Variants in ENTREP2 observed in about 807,000 individuals in gnomAD.
ENTREP2 encodes endosomal transmembrane epsin interactor 2, also known as protein ENTREP2.
the ENTREP2 span, among the ~76,000 whole-genome samples, chr15:29,464,486 C>T: frequency 5.3e-5 from 8 of 152,172 alleles, no homozygotes; most frequent in Non-Finnish European, 1.0e-4. Context: ...ATGGAAGCTA[C>T]ACACCAATAA....
chr15:29,559,784 T>C, the ENTREP2 span, among the ~76,000 whole-genome samples: 1 of 152,176 alleles, frequency 6.6e-6, no homozygotes, highest in Non-Finnish European at 1.5e-5. Flanking sequence ...TCTCCCTCTC[T>C]CAAGATCCTT....
the ENTREP2 span, among the ~76,000 whole-genome samples, chr15:29,477,109 T>C: frequency 3.3e-5 from 5 of 152,182 alleles, no homozygotes; most frequent in Non-Finnish European, 7.4e-5. Flanking sequence ...ACAATACAGA[T>C]GGCTCTTCAC....
chr15:29,267,173 T>C, the ENTREP2 span: 1 of 152,244 alleles, frequency 6.6e-6, no homozygotes, highest in Non-Finnish European at 1.5e-5. Context: ...ATACTCACTA[T>C]AGACTCTTTT....
the ENTREP2 span, among the ~76,000 whole-genome samples, chr15:29,419,918 A>C: frequency 3.3e-5 from 5 of 152,186 alleles, no homozygotes; most frequent in South Asian, 1.0e-3. Flanking sequence ...ACTAAAGAAA[A>C]GAAAAATGAC....
chr15:29,640,687 A>AAACC, the ENTREP2 span, among the ~76,000 whole-genome samples: 20 of 152,182 alleles, frequency 1.3e-4, no homozygotes, highest in African/African-American at 4.6e-4. Flanking sequence ...AAAACCAAAA[A>AAACC]GAAAAGAAAA....
At chr15:29,436,315 C>T in the ENTREP2 span, among the ~76,000 whole-genome samples, 9 of 152,216 alleles carry the variant, frequency 5.9e-5, no homozygotes, top group Admixed American at 2.0e-4. Flanking sequence ...TGGGTCCCAT[C>T]GCTGAGGAAG....
chr15:29,462,092 T>C, the ENTREP2 span, among the ~76,000 whole-genome samples: 2 of 152,188 alleles, frequency 1.3e-5, no homozygotes, highest in South Asian at 2.1e-4. Flanking sequence ...CCTTCCTTTT[T>C]AAGGCTGAGT....
chr15:29,298,030 C>T, the ENTREP2 span, among the ~76,000 whole-genome samples: 8 of 152,156 alleles, frequency 5.3e-5, no homozygotes, highest in Non-Finnish European at 7.4e-5. Flanking sequence ...AAGCAAGCTT[C>T]AACAAATGTC....
the ENTREP2 span, among the ~76,000 whole-genome samples, chr15:29,314,355 T>G: frequency 2.0e-5 from 3 of 152,102 alleles, no homozygotes; most frequent in Non-Finnish European, 4.4e-5. Context: ...TGCAGCAAAC[T>G]TCATCACTGT....
At chr15:29,625,116 A>C in the ENTREP2 span, among the ~76,000 whole-genome samples, 912 of 152,232 alleles carry the variant, frequency 6.0e-3, 9 homozygotes, top group African/African-American at 0.021. Context: ...GAACTTGTAC[A>C]ATATTTTTTA....
the ENTREP2 span, among the ~76,000 whole-genome samples, chr15:29,626,244 T>C: frequency 2.0e-5 from 3 of 152,232 alleles, no homozygotes; most frequent in Non-Finnish European, 2.9e-5. Context: ...AGGGTTTGGC[T>C]GTGTCCCCAC....
At chr15:29,440,969 G>A in the ENTREP2 span, among the ~76,000 whole-genome samples, 1 of 152,044 alleles carries the variant, frequency 6.6e-6, no homozygotes, top group African/African-American at 2.4e-5. Flanking sequence ...TCCACTTCTG[G>A]GTATATACCC....
the ENTREP2 span, among the ~76,000 whole-genome samples, chr15:29,390,377 A>T: frequency 6.6e-6 from 1 of 152,130 alleles, no homozygotes; most frequent in African/African-American, 2.4e-5. Flanking sequence ...GAATATGGAG[A>T]AAACGAAGAG....
chr15:29,163,279 C>G, the ENTREP2 span, among the ~76,000 whole-genome samples: 1 of 152,128 alleles, frequency 6.6e-6, no homozygotes, highest in Non-Finnish European at 1.5e-5. Flanking sequence ...CAAAATCACA[C>G]TAGTTTACCA....
chr15:29,163,495 T>C, the ENTREP2 span, among the ~76,000 whole-genome samples: 3 of 150,922 alleles, frequency 2.0e-5, no homozygotes, highest in Non-Finnish European at 3.0e-5. Flanking sequence ...CCAGGAAAAA[T>C]TGGACACACT....
At chr15:29,136,694 CA>C in the ENTREP2 span, among the ~76,000 whole-genome samples, 3 of 150,228 alleles carry the variant, frequency 2.0e-5, no homozygotes, top group African/African-American at 7.4e-5. Flanking sequence ...ACGACATCAA[CA>C]TTTTCAATAA....
At chr15:29,580,806 T>C in the ENTREP2 span, among the ~76,000 whole-genome samples, 1 of 152,228 alleles carries the variant, frequency 6.6e-6, no homozygotes, top group African/African-American at 2.4e-5. Context: ...TGGGTATTTA[T>C]TTGAATTTCC....
the ENTREP2 span, among the ~76,000 whole-genome samples, chr15:29,390,086 G>A: frequency 6.6e-6 from 1 of 152,146 alleles, no homozygotes; most frequent in South Asian, 2.1e-4. Context: ...TCCCTGGAGA[G>A]GCCAGCTCTG....
the ENTREP2 span, among the ~76,000 whole-genome samples, chr15:29,120,015 T>C: frequency 2.6e-5 from 4 of 152,258 alleles, no homozygotes; most frequent in African/African-American, 9.6e-5. Context: ...GCCATGTCCA[T>C]GGAGGGGCTG....
Sources: gnomAD v4.1 joint callset for allele counts (sites outside exome capture counted in the v4.1 genomes callset) on GRCh38, gnomAD v4.1.1 for gene constraint, MANE v1.5 for transcripts, NCBI Gene and HGNC (gene_info 2026-07-23, HGNC 2026-07-21) for gene names.